The following COL18A1 variants were observed in gnomAD, a reference collection of about 807,000 sequenced individuals.
COL18A1 encodes collagen type XVIII alpha 1 chain.
COL18A1 carries 133 observed loss-of-function variants against 168.0 expected under a neutral mutation model. The ratio of observed to expected loss-of-function variants is 0.79; its 90% CI spans 0.69 to 0.91. The LOEUF is 0.91. COL18A1 is among the 40% of genes least tolerant of loss of function. COL18A1 has a pLI of 0.00. For missense variants in COL18A1, 2,126 were observed against 1,925.4 expected (o/e 1.10, Z -1.95); for synonymous variants, 949 against 809.0 (o/e 1.17, Z -2.94).
At chr21:45,452,880 A>G (rs537362370) in intron 2 of COL18A1, among the ~76,000 whole-genome samples, 10 of 151,900 alleles carry the variant, frequency 6.6e-5, no homozygotes, top group African/African-American at 1.2e-4. Context: ...GCATGTGAGT[A>G]TTCACATGTG....
chr21:45,510,772 C>T (rs2146132161), intron 40 of COL18A1, among the ~76,000 whole-genome samples: 1 of 152,290 alleles, frequency 6.6e-6, no homozygotes, highest in Middle Eastern at 3.4e-3. Flanking sequence ...GGTCAGAGAC[C>T]CAGGGCTGGG....
At position 45,455,676 on chromosome 21, in the gene COL18A1, A is replaced by T. The variant is rs61735029; in HGVS notation, c.107-12566A>T. The stretch of plus-strand genomic sequence containing the variant: ...GCAGCTACCACGATCCCTGAGCCCC[A>T]GGGGCCCCTGCCTGTGCAGCCCACA... On this transcript the variant is annotated intron_variant, in intron 2 of 41. Transcript: ENST00000651438. 3,627 of 1,613,820 alleles carry T rather than the reference A, an allele frequency of 2.2e-3. 62 individuals carry two copies. The African/African-American group carries it at 0.041, about 18-fold the overall frequency.
rs772102800 is a variant in COL18A1, at chr21:45,491,327, C to T, written c.2157+13C>T. On this transcript the variant is annotated intron_variant, in intron 22 of 41. Coordinates refer to ENST00000651438, the MANE Select transcript of COL18A1 (RefSeq NM_001379500.1). The stretch of plus-strand genomic sequence containing the variant: ...GTCGGAGCAGGACGTAAGGACGCTG[C>T]GTGGGTGGGCACCCAATCTGTCCAG... 5.9e-5 allele frequency: 94 copies of T among 1,596,300 alleles called. No individual in the cohort carries two copies. The highest frequency in any genetic ancestry group is 5.2e-4 in the South Asian group (47 of 90,544).
At chr21:45,472,457 C>T (rs941571789) in intron 3 of COL18A1, among the ~76,000 whole-genome samples, 11 of 152,290 alleles carry the variant, frequency 7.2e-5, no homozygotes, top group South Asian at 6.2e-4. Flanking sequence ...GTGATCCACC[C>T]GCCTCGGCCT....
chr21:45,405,460 C>T lies in COL18A1; in HGVS notation c.93C>T (p.Ala31=), dbSNP rs748662606. 3 of 1,378,346 alleles carry T rather than the reference C, an allele frequency of 2.2e-6. No individual in the cohort carries two copies. Among genetic ancestry groups the T allele is most frequent in the Middle Eastern group, 2.7e-4 (1 of 3,692 alleles). 85.4% of individuals were successfully genotyped at this position (1,378,346 alleles called of 1,614,324 possible). ...TCCTGCTGCTCGGGGTCCGCGCGGCCTCCGCGGAGCCAGGTAAGACCCGGG... is the reference window on the plus strand; with the variant it reads ...TCCTGCTGCTCGGGGTCCGCGCGGCTTCCGCGGAGCCAGGTAAGACCCGGG... The part of the protein sequence containing the change: ...PLVLLLGVRA[A]SAEPERISEE... The change falls in exon 2 of 42, where the codon GCC becomes GCT. Residue 31 remains alanine, a synonymous_variant. Coordinates refer to ENST00000651438, the MANE Select transcript of COL18A1 (RefSeq NM_001379500.1).
chr21:45,497,441 C>T (rs2146014226), intron 31 of COL18A1, among the ~76,000 whole-genome samples, 158 bp from the exon 32 acceptor site: 1 of 152,354 alleles, frequency 6.6e-6, no homozygotes, highest in South Asian at 2.1e-4. Flanking sequence ...CCCAGGGCGC[C>T]CCTGCTCTCC....
chr21:45,429,244 A>C (rs959220884), intron 2 of COL18A1, among the ~76,000 whole-genome samples: 2 of 152,100 alleles, frequency 1.3e-5, no homozygotes, highest in African/African-American at 4.8e-5. Context: ...GGGATCTGAG[A>C]GTCTCTTTCC....
intron 2 of COL18A1, among the ~76,000 whole-genome samples, chr21:45,432,535 T>C (rs2033991295): frequency 6.6e-6 from 1 of 152,234 alleles, no homozygotes; most frequent in Non-Finnish European, 1.5e-5. Flanking sequence ...TTGCCATTTT[T>C]CATCACCCAC....
At chr21:45,432,063 G>A (rs1245423248) in intron 2 of COL18A1, among the ~76,000 whole-genome samples, 3 of 152,236 alleles carry the variant, frequency 2.0e-5, no homozygotes, top group African/African-American at 7.2e-5. Flanking sequence ...GCCCTGGGCG[G>A]TGCCCACCTC....
intron 1 of COL18A1, 57 bp downstream of exon 1, chr21:45,405,298 C>CTGCGGGGCTGCGGGGCT: frequency 1.9e-6 from 1 of 521,436 alleles, no homozygotes; most frequent in Non-Finnish European, 2.4e-6. Context: ...CTGCGGGGGT[C>CTGCGGGGCTGCGGGGCT]GCGGGGGTCG....
intron 2 of COL18A1, among the ~76,000 whole-genome samples, chr21:45,452,656 A>T (rs924607675): frequency 1.3e-5 from 2 of 150,962 alleles, no homozygotes; most frequent in Non-Finnish European, 2.9e-5. Flanking sequence ...GAGCTTGTGT[A>T]TGCATGTATT....
chr21:45,505,780 C>T (rs777883403), intron 36 of COL18A1, 58 bp from the exon 37 acceptor site: 99 of 1,293,164 alleles, frequency 7.7e-5, no homozygotes, highest in Admixed American at 6.0e-4. Flanking sequence ...TCCTTCCTTC[C>T]GCCCCTGCCC....
At chr21:45,499,371 C>T (rs1445756239) in intron 32 of COL18A1, among the ~76,000 whole-genome samples, 1 of 152,244 alleles carries the variant, frequency 6.6e-6, no homozygotes, top group African/African-American at 2.4e-5. Flanking sequence ...GTCAGAGGCT[C>T]CCTCGGGAAC....
chr21:45,455,116 A>G (rs760442133), intron 2 of COL18A1, among the ~76,000 whole-genome samples: 65 of 152,212 alleles, frequency 4.3e-4, no homozygotes, highest in Non-Finnish European at 7.4e-4. Context: ...TGGGCGTTCC[A>G]GGTCAGAGGG....
chr21:45,438,042 ACTCTCCT>A (rs2034237267), intron 2 of COL18A1, among the ~76,000 whole-genome samples: 1 of 120,416 alleles, frequency 8.3e-6, no homozygotes, highest in Admixed American at 8.8e-5. Context: ...ACACACAGGC[ACTCTCCT>A]GCACACACTC....
intron 2 of COL18A1, among the ~76,000 whole-genome samples, chr21:45,426,834 C>G (rs1443765969): frequency 6.6e-6 from 1 of 152,188 alleles, no homozygotes; most frequent in African/African-American, 2.4e-5. Context: ...GGGAGGGAGG[C>G]CTTGGAGGGT....
intron 2 of COL18A1, among the ~76,000 whole-genome samples, chr21:45,438,823 G>C (rs1371560058): frequency 6.6e-6 from 1 of 152,240 alleles, no homozygotes; most frequent in Non-Finnish European, 1.5e-5. Flanking sequence ...TGTGCAGCCG[G>C]AAGGAAGAAA....
At position 45,489,602 on chromosome 21, in the gene COL18A1, G is replaced by A. The variant is rs8131819; in HGVS notation, c.1959+81G>A. On this transcript the variant is annotated intron_variant, in intron 19 of 41. Coordinates refer to ENST00000651438, the MANE Select transcript of COL18A1 (RefSeq NM_001379500.1). ...GCCGGACACCTGCGGAGATCAGCTC[G>A]GGGCGGCCTTCCCCGCTCTTCCTGC... 0.18 allele frequency: 172,358 copies of A among 931,900 alleles called. 16,642 individuals carry two copies. Among genetic ancestry groups the A allele is most frequent in the Admixed American group, 0.21 (7,420 of 35,388 alleles). The allele number at this position is 931,900 out of a possible 1,614,324, so 57.7% of individuals were successfully genotyped here. A position where few individuals can be genotyped will look rare whatever the true frequency, so the allele number is the denominator to read the frequency against.
chr21:45,415,355 G>A (rs537056434), intron 2 of COL18A1, among the ~76,000 whole-genome samples: 4 of 152,242 alleles, frequency 2.6e-5, no homozygotes, highest in South Asian at 4.1e-4. Context: ...CTCGGCCTTC[G>A]GAATCTCCTG....
Sources: allele counts gnomAD v4.1 joint callset (sites outside exome capture counted in the v4.1 genomes callset), GRCh38; gene constraint gnomAD v4.1.1; transcripts MANE v1.5; gene names NCBI Gene and HGNC (gene_info 2026-07-23, HGNC 2026-07-21).